Variants in POLR3GL observed in about 807,000 individuals in gnomAD.
POLR3GL encodes the protein RNA polymerase III subunit GL, also known as DNA-directed RNA polymerase III subunit RPC7-like.
A neutral mutation model predicts 32.4 loss-of-function variants in POLR3GL; 26 were observed. The ratio of observed to expected loss-of-function variants is 0.80; its 90% CI spans 0.59 to 1.11. POLR3GL has a LOEUF of 1.11. Among genes scored for constraint, POLR3GL ranks in the 50% most tolerant of loss-of-function variants. The probability of loss-of-function intolerance (pLI) is 0.00; values close to 1 mark genes in which losing one functional copy is unlikely to be tolerated. For missense variants in POLR3GL, 229 were observed against 280.1 expected (o/e 0.82, Z 1.30); for synonymous variants, 95 against 98.7 (o/e 0.96, Z 0.22).
At position 145,977,171 on chromosome 1, in the gene POLR3GL, C is replaced by G; in HGVS notation, c.325+19C>G. 1 of 1,595,118 alleles carries G rather than the reference C, an allele frequency of 6.3e-7. No homozygotes were observed. Among genetic ancestry groups the G allele is most frequent in the Non-Finnish European group, 8.6e-7 (1 of 1,162,718 alleles). On this transcript the variant is annotated intron_variant, in intron 4 of 7. Coordinates refer to ENST00000369314, the MANE Select transcript of POLR3GL (RefSeq NM_032305.3). ...AACCCTGGTAGGTGATGGGCCCTTT[C>G]ATTGACTGCCCTTCTTTCAAATGCA...
chr1:145,977,775 C>T lies in POLR3GL; in HGVS notation c.383-3C>T. 6.2e-7 allele frequency: 1 copy of T among 1,613,390 alleles called. No homozygotes were observed. Among genetic ancestry groups the T allele is most frequent in the Non-Finnish European group, 8.5e-7 (1 of 1,179,422 alleles). On this transcript the variant is annotated splice_region_variant and splice_polypyrimidine_tract_variant and intron_variant, in intron 5 of 7. Transcript: ENST00000369314. ...AAGGTTTACCTTTTGATCCCTCCAC[C>T]AGGGATTACAATTCTGCTCCCCAAG...
intron 1 of POLR3GL, among the ~76,000 whole-genome samples, chr1:145,970,341 TCA>T (rs2101931761): frequency 6.6e-6 from 1 of 152,208 alleles, no homozygotes; most frequent in East Asian, 1.9e-4. Flanking sequence ...AGATGGAATC[TCA>T]CTATGTTGCC....
In POLR3GL at chr1:145,978,590, C is replaced by T. The variant is rs1650673922; in HGVS notation, c.*143C>T. On this transcript the variant is annotated 3_prime_UTR_variant, in exon 8 of 8. Coordinates refer to ENST00000369314, the MANE Select transcript of POLR3GL (RefSeq NM_032305.3). Reference sequence around the variant, plus strand: ...TGGAGATGGGAATAGAGGATGATGACAGTTTATTTTCTACACTTCCCCTCC... The same window carrying T: ...TGGAGATGGGAATAGAGGATGATGATAGTTTATTTTCTACACTTCCCCTCC... 1 of 668,572 alleles carries T rather than the reference C, an allele frequency of 1.5e-6. No individual in the cohort carries two copies. Among genetic ancestry groups the T allele is most frequent in the Admixed American group, 2.5e-5 (1 of 39,916 alleles). The allele number at this position is 668,572 out of a possible 1,614,324, so 41.4% of individuals were successfully genotyped here.
chr1:145,965,512 G>A (rs193269602), intron 1 of POLR3GL, among the ~76,000 whole-genome samples: 4 of 152,228 alleles, frequency 2.6e-5, no homozygotes, highest in East Asian at 3.9e-4. Flanking sequence ...CTCAAGTTTG[G>A]AAAGGCCCAT....
chr1:145,978,046 G>A lies in POLR3GL; in HGVS notation c.520G>A (p.Glu174Lys), dbSNP rs587765256. The part of the protein sequence containing the change: ...EEDEEKEEEE[E>K]KEEEEEEEYD... ...GGATGAGGAGAAAGAAGAAGAAGAA[G>A]AGAAGGAAGAGGAGGAAGAAGAAGA... The change falls in exon 7 of 8, where the codon GAG (glutamate) becomes AAG (lysine). Residue 174 changes from glutamate to lysine, a missense_variant. Physicochemically the swap from Glu to Lys is moderately conservative, Grantham distance 56. Transcript: ENST00000369314. The A allele has an allele frequency of 4.3e-5, 68 of 1,599,840 alleles. No individual in the cohort carries two copies. The South Asian group carries it at 6.7e-4, about 16-fold the overall frequency.
chr1:145,978,340 C>CTTTTT (rs375314716), intron 7 of POLR3GL, 21 bp from the exon 8 acceptor site: 585 of 1,355,112 alleles, frequency 4.3e-4, no homozygotes, highest in Non-Finnish European at 5.4e-4. Context: ...TTGACTTTTA[C>CTTTTT]TTTTTTTTTT....
At chr1:145,968,052 T>C (rs1650116717) in intron 1 of POLR3GL, among the ~76,000 whole-genome samples, 1 of 152,244 alleles carries the variant, frequency 6.6e-6, no homozygotes, top group African/African-American at 2.4e-5. Flanking sequence ...TCTGTATGTT[T>C]AGTTGAAACC....
chr1:145,964,843 T>A (rs1649949651), intron 1 of POLR3GL, 75 bp downstream of exon 1: 1 of 152,322 alleles, frequency 6.6e-6, no homozygotes, highest in Admixed American at 6.5e-5. Flanking sequence ...TAGACAACGC[T>A]TTCCGTCAGG....
intron 1 of POLR3GL, among the ~76,000 whole-genome samples, chr1:145,971,817 T>C (rs952327653): frequency 6.7e-6 from 1 of 149,012 alleles, no homozygotes; most frequent in Non-Finnish European, 1.5e-5. Context: ...ATACAAAAAT[T>C]AGCCGGGCGT....
At chr1:145,972,345 A>T (rs1650359557) in intron 1 of POLR3GL, among the ~76,000 whole-genome samples, 1 of 148,274 alleles carries the variant, frequency 6.7e-6, no homozygotes, top group Non-Finnish European at 1.5e-5. Flanking sequence ...GTGCCGTTGT[A>T]CTCCAGCCTG....
At chr1:145,977,891 A>G (rs782071858) in intron 6 of POLR3GL, 40 bp downstream of exon 6, 1 of 1,613,684 alleles carries the variant, frequency 6.2e-7, no homozygotes, top group Middle Eastern at 1.6e-4. Flanking sequence ...TGAGCCCTGG[A>G]TCCATTCCCT....
In POLR3GL at chr1:145,964,723, T is replaced by C. The variant is rs916176187; in HGVS notation, c.-87T>C. On this transcript the variant is annotated 5_prime_UTR_variant, in exon 1 of 8. Coordinates refer to ENST00000369314, the MANE Select transcript of POLR3GL (RefSeq NM_032305.3). ...ACCGACTTGAGGAAGCCCAGTACAT[T>C]TCAAGTTGGTCGCGGCTTGGGCTCC... 1 of 152,246 alleles carries C rather than the reference T, an allele frequency of 6.6e-6. No homozygotes were observed. Among genetic ancestry groups the C allele is most frequent in the Non-Finnish European group, 1.5e-5 (1 of 68,100 alleles). The allele number at this position is 152,246 out of a possible 1,614,324, so 9.4% of individuals were successfully genotyped here.
intron 1 of POLR3GL, among the ~76,000 whole-genome samples, chr1:145,973,837 T>G (rs1244972848): frequency 6.6e-6 from 1 of 151,534 alleles, no homozygotes; most frequent in Non-Finnish European, 1.5e-5. Flanking sequence ...ATTCTAAGAT[T>G]CTATGCTTCC....
intron 1 of POLR3GL, among the ~76,000 whole-genome samples, chr1:145,969,276 A>T (rs193231398): frequency 0.011 from 1,596 of 151,292 alleles, 30 homozygotes; most frequent in African/African-American, 0.035. Flanking sequence ...TTAAAAAAAA[A>T]TTTTTTTGAG....
Position 145,973,961 on chromosome 1 carries a change from T to TA in POLR3GL, c.-41-842dup, listed in dbSNP as rs35199064. Among the ~76,000 whole-genome samples, 359 of 104,910 alleles carry TA rather than the reference T, an allele frequency of 3.4e-3. 2 individuals carry two copies. Among genetic ancestry groups the TA allele is most frequent in the South Asian group, 7.2e-3 (24 of 3,322 alleles). The allele number at this position is 104,910 out of a possible 152,430, so 68.8% of individuals were successfully genotyped here. On this transcript the variant is annotated intron_variant, in intron 1 of 7. Transcript: ENST00000369314. The stretch of plus-strand genomic sequence containing the variant: ...CTTGACATAATGAAATCCAGTCTCT[T>TA]AAAAAAAAAAAAAAAAAAAAAAGAG...
In POLR3GL at chr1:145,977,515, C is replaced by T. The variant is rs1401599439; in HGVS notation, c.358C>T (p.Arg120Ter). 27 of 1,614,024 alleles carry T rather than the reference C, an allele frequency of 1.7e-5. No individual in the cohort carries two copies. The highest frequency in any genetic ancestry group is 2.2e-5 in the East Asian group (1 of 44,884). Residue 120 changes from arginine to a stop codon, truncating the protein, a stop_gained, in exon 5 of 8, where the codon CGA (arginine) becomes TGA (stop). Coordinates refer to ENST00000369314, the MANE Select transcript of POLR3GL (RefSeq NM_032305.3). LOFTEE classifies it high-confidence loss of function. ...WRRLPRELKI[R>*]VRKLQKERIT... Reference sequence around the variant, plus strand: ...GCGTCTACCCCGGGAGCTAAAGATCCGAGTGCGGAAGCTACAGAAGGAACG... The same window carrying T: ...GCGTCTACCCCGGGAGCTAAAGATCTGAGTGCGGAAGCTACAGAAGGAACG...
At chr1:145,971,649 A>G in intron 1 of POLR3GL, among the ~76,000 whole-genome samples, 1 of 152,144 alleles carries the variant, frequency 6.6e-6, no homozygotes, top group East Asian at 1.9e-4. Context: ...TCCACTGTAA[A>G]GATATTCCTC....
chr1:145,977,094 T>C lies in POLR3GL; in HGVS notation c.267T>C (p.Arg89=), dbSNP rs1553763518. The part of the protein sequence containing the change: ...RPAVPKRDVE[R]YSDKYQMSGP... ...CCTTCCACCCCTCAGATGTGGAGCG[T>C]TATTCAGACAAATATCAGATGTCAG... is the stretch of plus-strand genomic sequence containing the variant. Residue 89 remains arginine, a synonymous_variant, in exon 4 of 8, where the codon CGT becomes CGC. Coordinates refer to ENST00000369314, the MANE Select transcript of POLR3GL (RefSeq NM_032305.3). 2.5e-6 allele frequency: 4 copies of C among 1,613,792 alleles called. No homozygotes were observed. Among genetic ancestry groups the C allele is most frequent in the Non-Finnish European group, 8.5e-7 (1 of 1,179,876 alleles).
chr1:145,974,437 C>T (rs1650458733), intron 1 of POLR3GL, among the ~76,000 whole-genome samples: 3 of 152,012 alleles, frequency 2.0e-5, no homozygotes, highest in African/African-American at 7.3e-5. Context: ...GATCTTGAGC[C>T]CAGGGGTTCG....
Sources: gnomAD v4.1 joint callset for allele counts (sites outside exome capture counted in the v4.1 genomes callset) on GRCh38, gnomAD v4.1.1 for gene constraint, MANE v1.5 for transcripts, NCBI Gene and HGNC (gene_info 2026-07-23, HGNC 2026-07-21) for gene names.